PNKD: variants seen among roughly 807,000 people sequenced by gnomAD.
PNKD encodes the protein PNKD metallo-beta-lactamase domain containing.
PNKD carries 36 observed loss-of-function variants against 45.3 expected under a neutral mutation model. The ratio of observed to expected loss-of-function variants is 0.80; its 90% CI spans 0.61 to 1.05. The LOEUF (loss-of-function observed/expected upper bound fraction) is 1.05, where lower values mean the gene tolerates loss of function less well. Among genes scored for constraint, PNKD ranks in the 50% least tolerant of loss-of-function variants. The pLI is 0.00. For synonymous variants in PNKD, 197 were observed against 210.1 expected, an observed-to-expected ratio of 0.94 and a Z score of 0.54; for missense variants, 511 against 506.6, an observed-to-expected ratio of 1.01 and a Z score of -0.08.
chr2:218,294,507 T>G (rs984241220), intron 2 of PNKD, among the ~76,000 whole-genome samples: 1 of 152,172 alleles, frequency 6.6e-6, no homozygotes, highest in African/African-American at 2.4e-5. Context: ...CCTTCCTTTT[T>G]TTTGAGATGG....
At chr2:218,325,361 C>A (rs1694121533) in intron 2 of PNKD, among the ~76,000 whole-genome samples, 1 of 151,556 alleles carries the variant, frequency 6.6e-6, no homozygotes, top group East Asian at 2.0e-4. Flanking sequence ...GCACCTGCTA[C>A]CATACCCAGC....
intron 2 of PNKD, among the ~76,000 whole-genome samples, chr2:218,301,061 A>G (rs1215938409): frequency 6.6e-6 from 1 of 152,200 alleles, no homozygotes; most frequent in Non-Finnish European, 1.5e-5. Context: ...TTTTATTTTT[A>G]GAGTAAAATG....
At chr2:218,309,569 T>G (rs1693537483) in intron 2 of PNKD, among the ~76,000 whole-genome samples, 1 of 151,922 alleles carries the variant, frequency 6.6e-6, no homozygotes, top group Non-Finnish European at 1.5e-5. Context: ...ACACCCAGCC[T>G]CCAGTTTATG....
Position 218,344,893 on chromosome 2 carries a change from G to A in PNKD, c.1070G>A (p.Gly357Glu), listed in dbSNP as rs761523142. The A allele has an allele frequency of 1.2e-6, 2 of 1,614,018 alleles. No homozygotes were observed. The highest frequency in any genetic ancestry group is 2.2e-5 in the South Asian group (2 of 91,084). The change falls in exon 10 of 10, where the codon GGG becomes GAG. Residue 357 changes from glycine to glutamate, a missense_variant. Physicochemically the swap from Gly to Glu is moderately conservative, Grantham distance 98. Transcript: ENST00000273077. ...CLALQEALGP[G>E]PGPTGDDDYS... is the part of the protein sequence containing the mutation. Reference sequence around the variant, plus strand: ...GCGCTACAGGAGGCTCTGGGGCCGGGGCCGGGCCCCACTGGGGATGATGAC... The same window carrying A: ...GCGCTACAGGAGGCTCTGGGGCCGGAGCCGGGCCCCACTGGGGATGATGAC...
At chr2:218,280,008 T>A in intron 2 of PNKD, 1 of 1,609,574 alleles carries the variant, frequency 6.2e-7, no homozygotes, top group South Asian at 1.1e-5. Context: ...TACACCCACC[T>A]CCCAGCGCGT....
chr2:218,271,629 T>C (rs1690837761), intron 2 of PNKD, 80 bp downstream of exon 2: 1 of 1,309,990 alleles, frequency 7.6e-7, no homozygotes, highest in Non-Finnish European at 1.1e-6. Context: ...TCTCCAAGTT[T>C]CAGGTGGCGA....
intron 2 of PNKD, among the ~76,000 whole-genome samples, chr2:218,273,734 C>T (rs1690960717): frequency 6.6e-6 from 1 of 150,614 alleles, no homozygotes; most frequent in African/African-American, 2.4e-5. Context: ...TCAGGTGATT[C>T]CCCCCCACCG....
chr2:218,318,514 G>T (rs1306148010), intron 2 of PNKD, among the ~76,000 whole-genome samples: 1 of 152,190 alleles, frequency 6.6e-6, no homozygotes, highest in Non-Finnish European at 1.5e-5. Flanking sequence ...CTCTCCTGTG[G>T]GCACTGAGCC....
At chr2:218,281,619 G>A (rs753946744) in intron 2 of PNKD, among the ~76,000 whole-genome samples, 3 of 152,230 alleles carry the variant, frequency 2.0e-5, no homozygotes, top group Non-Finnish European at 4.4e-5. Context: ...TTGGCCGCTT[G>A]TTGGGAAACA....
intron 2 of PNKD, among the ~76,000 whole-genome samples, chr2:218,305,457 C>T (rs942930673): frequency 3.3e-5 from 5 of 152,114 alleles, no homozygotes; most frequent in Middle Eastern, 3.4e-3. Flanking sequence ...CTCAAGCAAT[C>T]GTCTTGCCTC....
At chr2:218,283,515 C>T (rs1382928431) in intron 2 of PNKD, among the ~76,000 whole-genome samples, 1 of 152,158 alleles carries the variant, frequency 6.6e-6, no homozygotes, top group Non-Finnish European at 1.5e-5. Flanking sequence ...GCAGTCTGGG[C>T]TCGACAGGGC....
At position 218,339,841 on chromosome 2, in the gene PNKD, A is replaced by T; in HGVS notation, c.295A>T (p.Arg99Trp). Residue 99 changes from arginine to tryptophan, a missense_variant, in exon 3 of 10, where the codon AGG becomes TGG. Transcript: ENST00000273077. The stretch of plus-strand genomic sequence containing the variant: ...CCTCTTCTACCGACAGCAGCTGCGC[A>T]GGGCTCGGAATCGCTACCCTAAAGG... ...GYLFYRQQLRRARNRYPKGHS... is the reference protein window; with the variant it reads ...GYLFYRQQLRWARNRYPKGHS... The T allele has an allele frequency of 6.2e-7, 1 of 1,613,500 alleles. No individual in the cohort carries two copies. Among genetic ancestry groups the T allele is most frequent in the Middle Eastern group, 1.7e-4 (1 of 6,040 alleles).
intron 2 of PNKD, chr2:218,276,001 T>C (rs928249235): frequency 1.2e-6 from 2 of 1,606,012 alleles, no homozygotes; most frequent in Non-Finnish European, 1.7e-6. Flanking sequence ...TCAGCTCCCC[T>C]TCCTAGAGTG....
At chr2:218,299,744 C>T (rs1693225509) in intron 2 of PNKD, among the ~76,000 whole-genome samples, 1 of 152,130 alleles carries the variant, frequency 6.6e-6, no homozygotes, top group Non-Finnish European at 1.5e-5. Context: ...GCCTCAGCCT[C>T]CCAAGTAGCT....
At position 218,341,614 on chromosome 2, in the gene PNKD, C is replaced by T; in HGVS notation, c.605C>T (p.Pro202Leu). 10 of 1,576,654 alleles carry T rather than the reference C, an allele frequency of 6.3e-6. No individual in the cohort carries two copies. Among genetic ancestry groups the T allele is most frequent in the Non-Finnish European group, 8.6e-6 (10 of 1,160,530 alleles). ...RVYGSPQDGIPYLTHPLCHQD... is the reference protein window; with the variant it reads ...RVYGSPQDGILYLTHPLCHQD... ...TACGGGAGCCCTCAGGACGGCATCC[C>T]CTACCTCACCCAGTAAGTCCCTGAC... The change falls in exon 6 of 10, where the codon CCC becomes CTC. Residue 202 changes from proline (P) to leucine (L), a missense_variant. Pro to Leu is a moderately conservative substitution (Grantham distance 98). Transcript: ENST00000273077.
chr2:218,275,610 G>GT, intron 2 of PNKD: 3 of 1,611,792 alleles, frequency 1.9e-6, no homozygotes, highest in South Asian at 1.1e-5. Context: ...GCTGTGTGTC[G>GT]TAAGCCAGGA....
intron 7 of PNKD, 77 bp downstream of exon 7, chr2:218,342,221 A>G (rs1386981886): frequency 3.3e-6 from 4 of 1,198,644 alleles, no homozygotes; most frequent in Non-Finnish European, 3.7e-6. Context: ...TCCCATGGAG[A>G]GCACTGAAGC....
chr2:218,279,208 G>T (rs1485813405), intron 2 of PNKD: 11 of 1,563,184 alleles, frequency 7.0e-6, no homozygotes, highest in Non-Finnish European at 9.6e-6. Context: ...TGAGAGCAGG[G>T]CCCACCGCCA....
intron 2 of PNKD, among the ~76,000 whole-genome samples, chr2:218,335,938 C>G (rs1419431698): frequency 6.6e-6 from 1 of 152,050 alleles, no homozygotes; most frequent in Admixed American, 6.6e-5. Flanking sequence ...TAGGGTCAGC[C>G]AGGCGTGGTG....
Sources: gnomAD v4.1 joint callset for allele counts (sites outside exome capture counted in the v4.1 genomes callset) on GRCh38, gnomAD v4.1.1 for gene constraint, MANE v1.5 for transcripts, NCBI Gene and HGNC (gene_info 2026-07-23, HGNC 2026-07-21) for gene names.